Variants in TENM2 observed in about 807,000 individuals in gnomAD.
The protein encoded by TENM2 is teneurin-2.
In TENM2, 52 loss-of-function variants were observed where a neutral mutation model predicts 245.2. The ratio of observed to expected loss-of-function variants is 0.21; its 90% confidence interval spans 0.17 to 0.27. The LOEUF is 0.27. Among genes scored for constraint, TENM2 ranks in the 10% least tolerant of loss-of-function variants. TENM2 has a pLI of 1.00. For synonymous variants in TENM2, 1,363 were observed against 1,438.9 expected (o/e 0.95, Z 1.19); for missense variants, 3,046 against 3,666.8 (o/e 0.83, Z 4.37).
chr5:167,835,029 G>A (rs1768862024), intron 2 of TENM2, among the ~76,000 whole-genome samples: 2 of 152,114 alleles, frequency 1.3e-5, no homozygotes. Context: ...GAAATATCTG[G>A]GTTCAAATCC....
intron 12 of TENM2, among the ~76,000 whole-genome samples, chr5:168,131,659 C>T (rs1181551732): frequency 6.6e-6 from 1 of 152,210 alleles, no homozygotes; most frequent in Admixed American, 6.5e-5. Flanking sequence ...AAGTGATTGT[C>T]AGAATTAACC....
At position 167,539,695 on chromosome 5, in the gene TENM2, G is replaced by A. The variant is rs553367661; in HGVS notation, c.502+164222G>A. Among the ~76,000 whole-genome samples, 149 of 152,250 alleles carry A rather than the reference G, an allele frequency of 9.8e-4. 1 individual carries two copies. Among genetic ancestry groups the A allele is most frequent in the Non-Finnish European group, 1.8e-3 (121 of 68,018 alleles). On this transcript the variant is annotated intron_variant, in intron 2 of 28. Coordinates refer to ENST00000518659, the Ensembl canonical transcript of TENM2. ...ATCTCTGTAACATTGAGAAAAAAAT[G>A]TTTTCCTTCATTGAGTGCTTTCTTC...
intron 2 of TENM2, among the ~76,000 whole-genome samples, chr5:167,423,853 G>A (rs59414410): frequency 0.013 from 1,973 of 152,094 alleles, 38 homozygotes; most frequent in African/African-American, 0.043. Flanking sequence ...TCTCATGTGG[G>A]GCATCCATTT....
intron 2 of TENM2, among the ~76,000 whole-genome samples, chr5:167,715,622 G>A (rs775975294): frequency 2.0e-5 from 3 of 152,176 alleles, no homozygotes; most frequent in Non-Finnish European, 2.9e-5. Context: ...ATAAGACTAA[G>A]CCAATTTAAT....
intron 2 of TENM2, among the ~76,000 whole-genome samples, chr5:167,669,285 G>T (rs988483548): frequency 1.3e-5 from 2 of 152,074 alleles, no homozygotes; most frequent in African/African-American, 2.4e-5. Flanking sequence ...AAATTATACC[G>T]TTTGTAGATT....
rs74548912 is a variant in TENM2, at chr5:167,474,919, C to G, written c.502+99446C>G. Among the ~76,000 whole-genome samples the G allele has an allele frequency of 5.1e-3, 772 of 152,286 alleles. 21 individuals are homozygous for G. In the East Asian group the frequency reaches 0.069, roughly 14 times the overall value. Reference sequence around the variant, plus strand: ...ACTGTTTTCAAATTTTGCCTTTCTTCATTTTTATTTACTGATTTCGGTTTA... The same window carrying G: ...ACTGTTTTCAAATTTTGCCTTTCTTGATTTTTATTTACTGATTTCGGTTTA... On this transcript the variant is annotated intron_variant, in intron 2 of 28. Transcript: ENST00000518659.
At chr5:167,425,260 T>A (rs575419237) in intron 2 of TENM2, among the ~76,000 whole-genome samples, 1 of 152,226 alleles carries the variant, frequency 6.6e-6, no homozygotes, top group East Asian at 1.9e-4. Context: ...AATAATCCAA[T>A]AAACTGGAAG....
At chr5:167,902,293 G>A (rs192972851) in intron 3 of TENM2, among the ~76,000 whole-genome samples, 21 of 152,274 alleles carry the variant, frequency 1.4e-4, no homozygotes, top group African/African-American at 4.3e-4. Context: ...AAAAGTGCTC[G>A]ACAACTGTTA....
intron 2 of TENM2, among the ~76,000 whole-genome samples, chr5:167,859,833 C>T (rs1397928080): frequency 1.3e-4 from 5 of 39,802 alleles, no homozygotes; most frequent in Non-Finnish European, 2.0e-4. Context: ...AGGTGAGGGG[C>T]GCCTCTGCCC....
At chr5:168,149,226 G>T (rs563532368) in intron 12 of TENM2, among the ~76,000 whole-genome samples, 1 of 152,116 alleles carries the variant, frequency 6.6e-6, no homozygotes, top group Non-Finnish European at 1.5e-5. Context: ...GGTTCTCTCC[G>T]CGTCTCCACT....
chr5:167,350,542 C>A (rs940995024), intron 1 of TENM2, among the ~76,000 whole-genome samples: 4 of 135,352 alleles, frequency 3.0e-5, no homozygotes, highest in Admixed American at 7.7e-5. Flanking sequence ...AATATATAGA[C>A]AACCTATCCA....
the TENM2 span, among the ~76,000 whole-genome samples, chr5:166,991,511 G>A: frequency 6.6e-6 from 1 of 152,108 alleles, no homozygotes; most frequent in Non-Finnish European, 1.5e-5. Context: ...TGTATGTGAT[G>A]TGAGAGAATA....
At chr5:167,346,794 CAG>C (rs887569256) in intron 1 of TENM2, among the ~76,000 whole-genome samples, 1 of 151,638 alleles carries the variant, frequency 6.6e-6, no homozygotes, top group South Asian at 2.1e-4. Context: ...TTTCTTGAGA[CAG>C]AGTCTCACAC....
At chr5:167,084,365 A>ATATATATATATATATATATATATG in the TENM2 span, among the ~76,000 whole-genome samples, 2 of 122,484 alleles carry the variant, frequency 1.6e-5, no homozygotes, top group African/African-American at 6.1e-5. Context: ...ATATATATAT[A>ATATATATATATATATATATATATG]TACAGATCAG....
chr5:167,573,895 G>GAAA lies in TENM2; in HGVS notation c.502+198429_502+198431dup, dbSNP rs1253510440. ...CTTGCTGGAAAAAAAAAAAAGAAAAGAAAAAAAAAGAAAGAAAAAAAAAGG... is the reference window on the plus strand; with the variant it reads ...CTTGCTGGAAAAAAAAAAAAGAAAAGAAAAAAAAAAAAGAAAGAAAAAAAAAGG... On this transcript the variant is annotated intron_variant, in intron 2 of 28. Coordinates refer to ENST00000518659, the Ensembl canonical transcript of TENM2. The GAAA allele has an allele frequency of 2.8e-5, 4 of 143,478 alleles. No individual in the cohort carries two copies. The South Asian group carries it at 9.6e-4, about 34-fold the overall frequency. The allele number at this position is 143,478 out of a possible 1,614,324, so 8.9% of individuals were successfully genotyped here. A position where few individuals can be genotyped will look rare whatever the true frequency, so the allele number is the denominator to read the frequency against.
intron 5 of TENM2, among the ~76,000 whole-genome samples, chr5:168,022,323 G>A (rs764859249): frequency 6.6e-6 from 1 of 152,150 alleles, no homozygotes; most frequent in Non-Finnish European, 1.5e-5. Context: ...TTAACCCCTA[G>A]GGGAGAAGTT....
chr5:168,142,445 G>A, intron 12 of TENM2, among the ~76,000 whole-genome samples: 1 of 152,166 alleles, frequency 6.6e-6, no homozygotes, highest in Non-Finnish European at 1.5e-5. Context: ...GAACAGTAAG[G>A]CAACCATTAA....
intron 2 of TENM2, among the ~76,000 whole-genome samples, chr5:167,591,794 G>T (rs945223900): frequency 1.3e-5 from 2 of 152,208 alleles, no homozygotes; most frequent in African/African-American, 4.8e-5. Context: ...CTCACAGAAT[G>T]ATAGTTGGCA....
At chr5:167,064,327 T>C in the TENM2 span, among the ~76,000 whole-genome samples, 1 of 152,170 alleles carries the variant, frequency 6.6e-6, no homozygotes, top group Admixed American at 6.6e-5. Flanking sequence ...ATGGAAAATG[T>C]ATGTTAAAGT....
Sources: gnomAD v4.1 joint callset for allele counts (sites outside exome capture counted in the v4.1 genomes callset) on GRCh38, gnomAD v4.1.1 for gene constraint, MANE v1.5 for transcripts, NCBI Gene and HGNC (gene_info 2026-07-23, HGNC 2026-07-21) for gene names.